The following CCDC66 variants were observed in gnomAD, a reference collection of about 807,000 sequenced individuals.
The protein encoded by CCDC66 is coiled-coil domain containing 66, also known as coiled-coil domain-containing protein 66.
A neutral mutation model predicts 128.3 loss-of-function variants in CCDC66; 133 were observed. That is an observed-to-expected ratio of 1.04 (90% CI 0.90 to 1.20). The LOEUF is 1.20. Among genes scored for constraint, CCDC66 ranks in the 50% most tolerant of loss-of-function variants. CCDC66 has a pLI of 0.00. For synonymous variants in CCDC66, 387 were observed against 357.0 expected (o/e 1.08, Z -0.95); for missense variants, 1,126 against 1,075.5 (o/e 1.05, Z -0.66).
chr3:56,599,064 G>A (rs2072666098), intron 10 of CCDC66, among the ~76,000 whole-genome samples: 1 of 151,926 alleles, frequency 6.6e-6, no homozygotes, highest in Non-Finnish European at 1.5e-5. Flanking sequence ...CCTTTGTTGG[G>A]AGACTTTTTT....
chr3:56,565,858 G>A (rs1486148133), intron 4 of CCDC66, among the ~76,000 whole-genome samples: 1 of 151,862 alleles, frequency 6.6e-6, no homozygotes, highest in Admixed American at 6.6e-5. Context: ...AGTAGAGACG[G>A]GGTTTCACCG....
chr3:56,566,780 G>A (rs2065917897), intron 5 of CCDC66, 21 bp downstream of exon 5: 1 of 1,596,514 alleles, frequency 6.3e-7, no homozygotes, highest in Non-Finnish European at 8.5e-7. Context: ...CCTATCTGTT[G>A]TTATTGTGTG....
At chr3:56,569,527 A>T (rs531738417) in intron 6 of CCDC66, 1 of 155,472 alleles carries the variant, frequency 6.4e-6, no homozygotes, top group South Asian at 1.9e-4. Context: ...TTCATGAGGG[A>T]TTCATCTCCT....
At chr3:56,612,412 A>T (rs1422892780) in intron 10 of CCDC66, among the ~76,000 whole-genome samples, 1 of 152,210 alleles carries the variant, frequency 6.6e-6, no homozygotes, top group Non-Finnish European at 1.5e-5. Context: ...GGATGCTAGC[A>T]GTAGGCTGAG....
intron 13 of CCDC66, chr3:56,616,475 C>T (rs1051089117): frequency 1.1e-5 from 2 of 175,424 alleles, no homozygotes; most frequent in South Asian, 1.3e-4. Context: ...AAGGTTCATC[C>T]ATGTTGTAGC....
At chr3:56,599,035 T>C (rs2072659856) in intron 10 of CCDC66, among the ~76,000 whole-genome samples, 1 of 152,028 alleles carries the variant, frequency 6.6e-6, no homozygotes, top group African/African-American at 2.4e-5. Context: ...ATTAGTGAAG[T>C]TGTCTGGTCC....
chr3:56,587,270 T>C (rs951926046), intron 7 of CCDC66, among the ~76,000 whole-genome samples: 2 of 151,966 alleles, frequency 1.3e-5, no homozygotes, highest in African/African-American at 4.8e-5. Context: ...ATTTCATAGG[T>C]TCACATTACA....
chr3:56,617,392 A>G lies in CCDC66; in HGVS notation c.2124A>G (p.Pro708=), dbSNP rs761293885. 7 of 1,613,830 alleles carry G rather than the reference A, an allele frequency of 4.3e-6. No individual in the cohort carries two copies. The highest frequency in any genetic ancestry group is 5.9e-6 in the Non-Finnish European group (7 of 1,179,980). The part of the protein sequence containing the change: ...PKRPDWNINK[P]PKRYIPASEK... ...GGCCTGATTGGAATATAAATAAGCC[A>G]CCTAAAAGGTATATTCCAGCATCAG... is the stretch of plus-strand genomic sequence containing the variant. The change falls in exon 14 of 18, where the codon CCA becomes CCG. Residue 708 remains proline (P), a synonymous_variant. Transcript: ENST00000394672.
chr3:56,567,900 C>T (rs2066095496), intron 6 of CCDC66, among the ~76,000 whole-genome samples: 1 of 151,918 alleles, frequency 6.6e-6, no homozygotes, highest in African/African-American at 2.4e-5. Flanking sequence ...CTGTGTTAGC[C>T]AGGATGGTCT....
intron 7 of CCDC66, among the ~76,000 whole-genome samples, chr3:56,589,697 C>A (rs1425063953): frequency 6.6e-6 from 1 of 152,142 alleles, no homozygotes; most frequent in Admixed American, 6.5e-5. Context: ...ATCACAAGTT[C>A]TGTTCTTGGA....
Position 56,558,881 on chromosome 3 carries a change from G to A in CCDC66, c.47G>A (p.Gly16Glu). The change falls in exon 2 of 18, where the codon GGA becomes GAA. Residue 16 changes from glycine to glutamate, a missense_variant. Physicochemically the swap from Gly to Glu is moderately conservative, Grantham distance 98. Transcript: ENST00000394672. ...GLKLETELLD[G>E]KTKLILSPYE... ...AAGCTTGAAACTGAATTACTGGATG[G>A]AAAAACCAAGCTAATATTGTCTCCA... 1 of 1,549,362 alleles carries A rather than the reference G, an allele frequency of 6.5e-7. No homozygotes were observed. Among genetic ancestry groups the A allele is most frequent in the Non-Finnish European group, 8.7e-7 (1 of 1,145,576 alleles).
At chr3:56,566,914 G>T in intron 5 of CCDC66, 36 bp from the exon 6 acceptor site, 1 of 1,550,188 alleles carries the variant, frequency 6.5e-7, no homozygotes, top group Non-Finnish European at 8.9e-7. Flanking sequence ...AGAAATGTAT[G>T]ATACAGTTTC....
At position 56,593,959 on chromosome 3, in the gene CCDC66, G is replaced by T; in HGVS notation, c.1335G>T (p.Met445Ile). Residue 445 changes from methionine to isoleucine, a missense_variant, in exon 10 of 18, where the codon ATG (methionine) becomes ATT (isoleucine). Transcript: ENST00000394672. ...ATCTTGCCAGCTTTCTCCGTTCTAT[G>T]ACTGCTCTCTTGGACCCAGCTCAGA... ...NSKKTNFLRS[M>I]TALLDPAQIE... The T allele has an allele frequency of 6.2e-7, 1 of 1,614,156 alleles. No homozygotes were observed. The highest frequency in any genetic ancestry group is 1.3e-5 in the African/African-American group (1 of 75,038).
intron 11 of CCDC66, 90 bp from the exon 12 acceptor site, chr3:56,615,038 A>G (rs1204476829): frequency 1.5e-6 from 2 of 1,355,496 alleles, no homozygotes; most frequent in Non-Finnish European, 2.0e-6. Flanking sequence ...CCTGATACAT[A>G]GGAGAAGCTT....
intron 10 of CCDC66, among the ~76,000 whole-genome samples, chr3:56,597,644 G>GTT (rs2072248572): frequency 6.6e-6 from 1 of 151,772 alleles, no homozygotes; most frequent in East Asian, 1.9e-4. Context: ...TTGTAGGTGG[G>GTT]ATTGCCTTCT....
intron 10 of CCDC66, among the ~76,000 whole-genome samples, chr3:56,599,855 T>C (rs2072831700): frequency 6.6e-6 from 1 of 152,114 alleles, no homozygotes; most frequent in African/African-American, 2.4e-5. Flanking sequence ...GTGTATTCTC[T>C]TAACTGTTGG....
intron 10 of CCDC66, among the ~76,000 whole-genome samples, chr3:56,596,910 A>G (rs989257560): frequency 2.2e-5 from 3 of 138,508 alleles, no homozygotes; most frequent in Non-Finnish European, 4.6e-5. Context: ...GCATGCCACC[A>G]CACCTGGCTA....
At chr3:56,611,404 T>C (rs1340095513) in intron 10 of CCDC66, among the ~76,000 whole-genome samples, 1 of 147,634 alleles carries the variant, frequency 6.8e-6, no homozygotes, top group Non-Finnish European at 1.5e-5. Flanking sequence ...AAAGGGCCAG[T>C]CTCACTGTGT....
At chr3:56,595,278 A>T (rs566887825) in intron 10 of CCDC66, among the ~76,000 whole-genome samples, 28 of 152,328 alleles carry the variant, frequency 1.8e-4, no homozygotes, top group Non-Finnish European at 3.1e-4. Context: ...AATTTGAAAT[A>T]TATAATACAT....
Sources: allele counts gnomAD v4.1 joint callset (sites outside exome capture counted in the v4.1 genomes callset), GRCh38; gene constraint gnomAD v4.1.1; transcripts MANE v1.5; gene names NCBI Gene and HGNC (gene_info 2026-07-23, HGNC 2026-07-21).